LHFPL3: variants seen among roughly 807,000 people sequenced by gnomAD.
The protein encoded by LHFPL3 is LHFPL tetraspan subfamily member 3.
LHFPL3 carries 5 observed loss-of-function variants against 19.3 expected under a neutral mutation model. That is an observed-to-expected ratio of 0.26 (90% CI 0.14 to 0.54). LHFPL3 has a LOEUF of 0.54. LHFPL3 is among the 20% of genes least tolerant of loss of function. The pLI is 0.94. For missense variants in LHFPL3, 249 were observed against 307.4 expected (o/e 0.81, Z 1.42); for synonymous variants, 133 against 126.2 (o/e 1.05, Z -0.36).
chr7:104,499,886 G>A lies in LHFPL3; in HGVS notation c.445+170662G>A, dbSNP rs1411718729. Among the ~76,000 whole-genome samples the A allele has an allele frequency of 2.6e-5, 4 of 152,126 alleles. No homozygotes were observed. The East Asian group carries it at 7.7e-4, about 29-fold the overall frequency. Reference sequence around the variant, plus strand: ...CTTTCTTACCAGTAGAAGAAAAAAAGGAAAATACTGCTGGAAATAAAATAA... The same window carrying A: ...CTTTCTTACCAGTAGAAGAAAAAAAAGAAAATACTGCTGGAAATAAAATAA... On this transcript the variant is annotated intron_variant, in intron 1 of 2. Transcript: ENST00000424859.
intron 2 of LHFPL3, among the ~76,000 whole-genome samples, chr7:104,764,841 G>T (rs903027615): frequency 6.6e-6 from 1 of 152,154 alleles, no homozygotes; most frequent in African/African-American, 2.4e-5. Context: ...GACCCTTGCA[G>T]TAGTCCTACG....
chr7:104,430,444 A>G lies in LHFPL3; in HGVS notation c.445+101220A>G, dbSNP rs1476615982. On this transcript the variant is annotated intron_variant, in intron 1 of 2. Coordinates refer to ENST00000424859, the MANE Select transcript of LHFPL3 (RefSeq NM_199000.3). ...CATATATATATATATATATATATAT[A>G]TATATATATATTTTTTTTTTTTTTT... is the stretch of plus-strand genomic sequence containing the variant. 6.5e-4 allele frequency among the ~76,000 whole-genome samples: 11 copies of G among 17,036 alleles called. No homozygotes were observed. In the South Asian group the frequency reaches 9.5e-3, roughly 15 times the overall value. The allele number at this position is 17,036 out of a possible 152,430, so 11.2% of individuals were successfully genotyped here.
chr7:104,665,966 C>G (rs1792328185), intron 1 of LHFPL3, among the ~76,000 whole-genome samples: 1 of 152,198 alleles, frequency 6.6e-6, no homozygotes, highest in African/African-American at 2.4e-5. Context: ...AAACTCATTG[C>G]AGGTATACCC....
intron 2 of LHFPL3, among the ~76,000 whole-genome samples, chr7:104,824,591 A>T (rs1160269440): frequency 1.3e-5 from 1 of 76,542 alleles, no homozygotes; most frequent in Non-Finnish European, 2.3e-5. Context: ...TAATATATAT[A>T]ATTATATATT....
rs574437964 is a variant in LHFPL3 at position 104,814,937 on chromosome 7, C to A, written c.682+78026C>A. Among the ~76,000 whole-genome samples the A allele has an allele frequency of 1.2e-4, 19 of 152,302 alleles. 1 individual carries two copies. The highest frequency in any genetic ancestry group is 4.3e-4 in the African/African-American group (18 of 41,580). ...CAAGGGCAGGGGTGCCTTCCCAGAC[C>A]CCCAGTAGTGCAGGGATGCCTGGGT... On this transcript the variant is annotated intron_variant, in intron 2 of 2. Transcript: ENST00000424859.
intron 1 of LHFPL3, among the ~76,000 whole-genome samples, chr7:104,385,815 C>A (rs1373436582): frequency 6.6e-6 from 1 of 151,982 alleles, no homozygotes; most frequent in Non-Finnish European, 1.5e-5. Context: ...ACATTTTCTT[C>A]TTTTAATATG....
chr7:104,511,650 A>G (rs937135620), intron 1 of LHFPL3, among the ~76,000 whole-genome samples: 1 of 152,114 alleles, frequency 6.6e-6, no homozygotes, highest in Non-Finnish European at 1.5e-5. Context: ...GAAGGAGCAA[A>G]TTGTTGATAC....
chr7:104,617,424 T>C (rs1207551665), intron 1 of LHFPL3, among the ~76,000 whole-genome samples: 1 of 152,204 alleles, frequency 6.6e-6, no homozygotes, highest in African/African-American at 2.4e-5. Flanking sequence ...TGGTGTACTC[T>C]TTTGTATATT....
intron 1 of LHFPL3, among the ~76,000 whole-genome samples, chr7:104,342,399 G>A (rs947687427): frequency 3.8e-4 from 58 of 152,052 alleles, no homozygotes; most frequent in African/African-American, 1.4e-3. Context: ...AACATGGACC[G>A]CAGCCATAGG....
At chr7:104,444,320 A>G (rs944646909) in intron 1 of LHFPL3, among the ~76,000 whole-genome samples, 28 of 152,194 alleles carry the variant, frequency 1.8e-4, no homozygotes, top group African/African-American at 6.3e-4. Context: ...GCGCTGTCAG[A>G]GAAATAATAT....
chr7:104,471,244 T>C (rs1024553425), intron 1 of LHFPL3, among the ~76,000 whole-genome samples: 1 of 152,202 alleles, frequency 6.6e-6, no homozygotes, highest in Non-Finnish European at 1.5e-5. Context: ...GCAATTCAGT[T>C]CAAAGCACCC....
chr7:104,669,603 A>T, intron 1 of LHFPL3: 2 of 1,604,460 alleles, frequency 1.2e-6, no homozygotes, highest in South Asian at 2.2e-5. Context: ...CTTTTCTCCT[A>T]GTTTCTCTCC....
At chr7:104,394,452 A>C (rs1791142626) in intron 1 of LHFPL3, among the ~76,000 whole-genome samples, 2 of 152,218 alleles carry the variant, frequency 1.3e-5, no homozygotes, top group South Asian at 4.2e-4. Context: ...TTTTTTTCAT[A>C]CTCATAAAGA....
At chr7:104,338,046 T>C (rs770892444) in intron 1 of LHFPL3, among the ~76,000 whole-genome samples, 20 of 151,400 alleles carry the variant, frequency 1.3e-4, no homozygotes, top group East Asian at 3.9e-4. Flanking sequence ...AAAATACGAA[T>C]GCAAGGCATA....
chr7:104,895,772 A>C (rs1267642020), intron 2 of LHFPL3: 1 of 152,256 alleles, frequency 6.6e-6, no homozygotes, highest in Non-Finnish European at 1.5e-5. Context: ...GACTTTGGGC[A>C]AATTGCTTCA....
At chr7:104,750,107 T>C (rs1416115212) in intron 2 of LHFPL3, among the ~76,000 whole-genome samples, 2 of 152,216 alleles carry the variant, frequency 1.3e-5, no homozygotes, top group Non-Finnish European at 2.9e-5. Flanking sequence ...AGCTGAACAG[T>C]ACTTTCTTGA....
At chr7:104,625,689 C>T (rs1791530664) in intron 1 of LHFPL3, among the ~76,000 whole-genome samples, 1 of 152,156 alleles carries the variant, frequency 6.6e-6, no homozygotes, top group Admixed American at 6.5e-5. Context: ...TTCTCATTGG[C>T]TGCCCTCCAC....
chr7:104,630,439 T>C (rs1402494457), intron 1 of LHFPL3, among the ~76,000 whole-genome samples: 1 of 152,058 alleles, frequency 6.6e-6, no homozygotes, highest in East Asian at 1.9e-4. Context: ...AGCGTGCAGA[T>C]TTGGCTGGAA....
chr7:104,477,164 AT>A (rs919709663), intron 1 of LHFPL3, among the ~76,000 whole-genome samples: 41 of 151,758 alleles, frequency 2.7e-4, no homozygotes, highest in African/African-American at 9.4e-4. Context: ...TATATTTTTA[AT>A]TTTTTTGTAG....
Sources: allele counts gnomAD v4.1 joint callset (sites outside exome capture counted in the v4.1 genomes callset), GRCh38; gene constraint gnomAD v4.1.1; transcripts MANE v1.5; gene names NCBI Gene and HGNC (gene_info 2026-07-23, HGNC 2026-07-21).